The following CCDC40 variants were observed in gnomAD, a reference collection of about 807,000 sequenced individuals.
The protein encoded by CCDC40 is coiled-coil domain-containing protein 40.
A neutral mutation model predicts 124.5 loss-of-function variants in CCDC40; 104 were observed. The ratio of observed to expected loss-of-function variants is 0.84; its 90% confidence interval spans 0.71 to 0.98. The LOEUF (loss-of-function observed/expected upper bound fraction) is 0.98, where lower values mean the gene tolerates loss of function less well. Among genes scored for constraint, CCDC40 ranks in the 50% least tolerant of loss-of-function variants. The pLI, the probability that CCDC40 is intolerant of heterozygous loss-of-function variation, is 0.00. For missense variants in CCDC40, 1,463 were observed against 1,503.9 expected, an observed-to-expected ratio of 0.97 and a Z score of 0.45; for synonymous variants, 580 against 602.9, an observed-to-expected ratio of 0.96 and a Z score of 0.56.
chr17:80,062,265 A>G (rs2037920052), intron 9 of CCDC40, among the ~76,000 whole-genome samples: 1 of 152,168 alleles, frequency 6.6e-6, no homozygotes, highest in Non-Finnish European at 1.5e-5. Context: ...AAAGAGCTCT[A>G]CTGACATGGA....
In CCDC40 at chr17:80,095,153, G is replaced by A. The variant is rs1244955236; in HGVS notation, c.2833-110G>A. On this transcript the variant is annotated intron_variant, in intron 17 of 19. Transcript: ENST00000397545. ...GCACAGGCCTCACTGTTTCCCCGCC[G>A]ATCCCCATGCGTGTCACCGGAGGAT... is the stretch of plus-strand genomic sequence containing the variant. 9.4e-5 allele frequency: 96 copies of A among 1,017,628 alleles called. 1 individual carries two copies. Among genetic ancestry groups the A allele is most frequent in the Non-Finnish European group, 1.0e-4 (65 of 652,492 alleles). The allele number at this position is 1,017,628 out of a possible 1,614,324, so 63.0% of individuals were successfully genotyped here.
At chr17:80,047,190 A>G in intron 3 of CCDC40, 89 bp from the exon 4 acceptor site, 1 of 1,430,162 alleles carries the variant, frequency 7.0e-7, no homozygotes, top group African/African-American at 1.4e-5. Context: ...TGAGTCTGAC[A>G]ACTTTCACAA....
At chr17:80,090,181 G>C in intron 17 of CCDC40, 1 of 1,140,060 alleles carries the variant, frequency 8.8e-7, no homozygotes, top group South Asian at 1.5e-5. Context: ...GCACGTGCAC[G>C]AACAACACGG....
Position 80,049,928 on chromosome 17 carries a change from C to A in CCDC40, c.878C>A (p.Ala293Asp), listed in dbSNP as rs1320934753. Reference protein sequence around the residue: ...PDHPLMVRFQAALKNYLNRQI... With the variant: ...PDHPLMVRFQDALKNYLNRQI... ...TAGCCCCTGATGGTAAGATTCCAGG[C>A]TGCCCTGAAGAACTACCTGAACCGA... Residue 293 changes from alanine to aspartate, a missense_variant, in exon 6 of 20, where the codon GCT (alanine) becomes GAT (aspartate). By Grantham distance (126) the Ala-to-Asp change is moderately radical. Transcript: ENST00000397545. 6.2e-7 allele frequency: 1 copy of A among 1,613,976 alleles called. No homozygotes were observed. The highest frequency in any genetic ancestry group is 8.5e-7 in the Non-Finnish European group (1 of 1,179,994).
In CCDC40 at chr17:80,099,883, C is replaced by A; in HGVS notation, c.*108C>A. ...TGTTCCTAAAAACCACATGTACCCT[C>A]AGAAGGGCATCGTTTAAGAGAAATA... On this transcript the variant is annotated 3_prime_UTR_variant, in exon 20 of 20. Coordinates refer to ENST00000397545, the MANE Select transcript of CCDC40 (RefSeq NM_017950.4). 8.0e-7 allele frequency: 1 copy of A among 1,242,344 alleles called. No individual in the cohort carries two copies. Among genetic ancestry groups the A allele is most frequent in the Non-Finnish European group, 1.1e-6 (1 of 877,536 alleles). 77.0% of individuals were successfully genotyped at this position (1,242,344 alleles called of 1,614,324 possible).
chr17:80,080,694 G>A (rs146346596), intron 10 of CCDC40, among the ~76,000 whole-genome samples: 1 of 152,284 alleles, frequency 6.6e-6, no homozygotes, highest in African/African-American at 2.4e-5. Context: ...TGACCCATGC[G>A]TCACTTTCCT....
intron 10 of CCDC40, among the ~76,000 whole-genome samples, chr17:80,069,578 C>T (rs942962966): frequency 3.3e-5 from 5 of 152,002 alleles, no homozygotes; most frequent in Non-Finnish European, 7.4e-5. Context: ...GGTGAAACCC[C>T]GTCTCTACTA....
In CCDC40 at chr17:80,036,699, G is replaced by C. The variant is rs772706089; in HGVS notation, c.29+8G>C. On this transcript the variant is annotated splice_region_variant and intron_variant, in intron 1 of 19. Coordinates refer to ENST00000397545, the MANE Select transcript of CCDC40 (RefSeq NM_017950.4). ...GGGCGGCGCGGCGGGCCGGTAAGCC[G>C]GGCCGAGGGGCAGCGGGTCTTGGAG... is the stretch of plus-strand genomic sequence containing the variant. 4 of 1,461,948 alleles carry C rather than the reference G, an allele frequency of 2.7e-6. No homozygotes were observed. The East Asian group carries it at 1.1e-4, about 42-fold the overall frequency. The allele number at this position is 1,461,948 out of a possible 1,614,324, so 90.6% of individuals were successfully genotyped here. A position where few individuals can be genotyped will look rare whatever the true frequency, so the allele number is the denominator to read the frequency against.
intron 9 of CCDC40, among the ~76,000 whole-genome samples, chr17:80,060,845 C>G (rs1387845115): frequency 6.6e-6 from 1 of 152,180 alleles, no homozygotes. Flanking sequence ...ATGAATTATG[C>G]ATCCAATGAT....
rs1208648645 is a variant in CCDC40, at chr17:80,086,595, CAGT to C, written c.2449+380_2449+382del. 1 of 291,394 alleles carries C rather than the reference CAGT, an allele frequency of 3.4e-6. No homozygotes were observed. The highest frequency in any genetic ancestry group is 6.7e-6 in the Non-Finnish European group (1 of 149,938). 18.1% of individuals were successfully genotyped at this position (291,394 alleles called of 1,614,324 possible). On this transcript the variant is annotated intron_variant, in intron 14 of 19. Transcript: ENST00000397545. The surrounding 1 kb of genome is among the most constrained non-coding windows in gnomAD (Gnocchi z 5.5). Reference sequence around the variant, plus strand: ...CCTGGTGCTGTCCCCACATCACCTCCAGTTGGGCTTAGAAAACCATTCCACCGG... The same window carrying C: ...CCTGGTGCTGTCCCCACATCACCTCCTGGGCTTAGAAAACCATTCCACCGG...
At chr17:80,050,398 G>T in intron 7 of CCDC40, 115 bp downstream of exon 7, 1 of 815,918 alleles carries the variant, frequency 1.2e-6, no homozygotes. Flanking sequence ...ATCCTGGAGG[G>T]GTTCCCACCC....
rs2143610698 is a variant in CCDC40, at chr17:80,048,638, C to A, written c.732C>A (p.Phe244Leu). The A allele has an allele frequency of 1.2e-6, 2 of 1,614,048 alleles. No individual in the cohort carries two copies. The highest frequency in any genetic ancestry group is 1.7e-6 in the Non-Finnish European group (2 of 1,180,014). Residue 244 changes from phenylalanine to leucine, a missense_variant, in exon 5 of 20, where the codon TTC becomes TTA. By Grantham distance (22) the Phe-to-Leu change is conservative. Transcript: ENST00000397545. ...AHPREGDLPV[F>L]QDQIQQPSTE... ...CCAGGGAAGGAGACCTGCCAGTGTTCCAGGACCAGATCCAGCAGCCCAGCA... is the reference window on the plus strand; with the variant it reads ...CCAGGGAAGGAGACCTGCCAGTGTTACAGGACCAGATCCAGCAGCCCAGCA...
chr17:80,086,816 C>CAGG lies in CCDC40; in HGVS notation c.2449+600_2449+601insAGG. 1 of 163,428 alleles carries CAGG rather than the reference C, an allele frequency of 6.1e-6. No individual in the cohort carries two copies. The highest frequency in any genetic ancestry group is 1.3e-5 in the Non-Finnish European group (1 of 74,490). The allele number at this position is 163,428 out of a possible 1,614,324, so 10.1% of individuals were successfully genotyped here. A position where few individuals can be genotyped will look rare whatever the true frequency, so the allele number is the denominator to read the frequency against. Reference sequence around the variant, plus strand: ...AGCAGAGCCCCCATGGGAAATGCTGCCCAGACACATCATGTGCCCTTCTCG... The same window carrying CAGG: ...AGCAGAGCCCCCATGGGAAATGCTGCAGGCCAGACACATCATGTGCCCTTCTCG... On this transcript the variant is annotated intron_variant, in intron 14 of 19. Coordinates refer to ENST00000397545, the MANE Select transcript of CCDC40 (RefSeq NM_017950.4). The surrounding 1 kb of genome is among the most constrained non-coding windows in gnomAD (Gnocchi z 5.5).
In CCDC40 at chr17:80,087,970, A is replaced by G; in HGVS notation, c.2620-41A>G. ...CACCAGCCCCGGCATCCACAATCCC[A>G]TGGCCCTCCCCACAGCTGTCCCGCC... On this transcript the variant is annotated intron_variant, in intron 15 of 19. Transcript: ENST00000397545. The surrounding 1 kb of genome is among the most constrained non-coding windows in gnomAD (Gnocchi z 4.5). The G allele has an allele frequency of 2.0e-6, 3 of 1,483,486 alleles. No homozygotes were observed. Among genetic ancestry groups the G allele is most frequent in the South Asian group, 1.1e-5 (1 of 88,488 alleles). The allele number at this position is 1,483,486 out of a possible 1,614,324, so 91.9% of individuals were successfully genotyped here. A position where few individuals can be genotyped will look rare whatever the true frequency, so the allele number is the denominator to read the frequency against.
chr17:80,088,871 C>T (rs1043595288), intron 16 of CCDC40, among the ~76,000 whole-genome samples: 2 of 152,188 alleles, frequency 1.3e-5, no homozygotes, highest in Non-Finnish European at 2.9e-5. Context: ...CCAGATTCCC[C>T]ACAGAGTCTG....
chr17:80,070,161 G>A (rs1002335954), intron 10 of CCDC40, among the ~76,000 whole-genome samples: 9 of 152,178 alleles, frequency 5.9e-5, no homozygotes, highest in African/African-American at 2.2e-4. Context: ...TTGCCACAGT[G>A]TCCCCAGCAG....
rs12601244 is a variant in CCDC40, at chr17:80,095,568, G to A, written c.3021+117G>A. On this transcript the variant is annotated intron_variant, in intron 18 of 19. Coordinates refer to ENST00000397545, the MANE Select transcript of CCDC40 (RefSeq NM_017950.4). ...AGGATGCAGAGGCTGCAGTGGGGGC[G>A]TGCTCAGCACTGCTAACCTGCTGCT... 94,696 of 963,612 alleles carry A rather than the reference G, an allele frequency of 0.098. 5,872 individuals carry two copies. Among genetic ancestry groups the A allele is most frequent in the East Asian group, 0.27 (10,444 of 38,142 alleles). 59.7% of individuals were successfully genotyped at this position (963,612 alleles called of 1,614,324 possible). A position where few individuals can be genotyped will look rare whatever the true frequency, so the allele number is the denominator to read the frequency against.
intron 10 of CCDC40, chr17:80,067,717 T>C: frequency 1.3e-6 from 2 of 1,525,148 alleles, no homozygotes; most frequent in Non-Finnish European, 1.8e-6. Context: ...TTTTTTATAT[T>C]GCCTATCAAG....
chr17:80,078,883 A>G (rs2038376010), intron 10 of CCDC40, among the ~76,000 whole-genome samples: 1 of 151,484 alleles, frequency 6.6e-6, no homozygotes, highest in African/African-American at 2.4e-5. Flanking sequence ...CCTTAATAAT[A>G]TTAAATCTTC....
Sources: allele counts gnomAD v4.1 joint callset (sites outside exome capture counted in the v4.1 genomes callset), GRCh38; gene constraint gnomAD v4.1.1; non-coding constraint Gnocchi (gnomAD v3.1); transcripts MANE v1.5; gene names NCBI Gene and HGNC (gene_info 2026-07-23, HGNC 2026-07-21).